EPB41L2: variants seen among roughly 807,000 people sequenced by gnomAD.
The protein encoded by EPB41L2 is erythrocyte membrane protein band 4.1 like 2, also known as band 4.1-like protein 2.
Under a neutral mutation model 113.0 loss-of-function variants are expected in EPB41L2, and 43 were observed. That is an observed-to-expected ratio of 0.38 (90% CI 0.30 to 0.49). EPB41L2 has a LOEUF of 0.49. EPB41L2 is among the 20% of genes least tolerant of loss of function. EPB41L2 has a pLI of 0.95. For synonymous variants in EPB41L2, 442 were observed against 436.7 expected, an observed-to-expected ratio of 1.01 and a Z score of -0.15; for missense variants, 1,147 against 1,223.4, an observed-to-expected ratio of 0.94 and a Z score of 0.93.
At position 130,894,951 on chromosome 6, in the gene EPB41L2, AAATGT is replaced by A; in HGVS notation, c.1389+11_1389+15del. The A allele has an allele frequency of 7.5e-6, 12 of 1,607,590 alleles. No individual in the cohort carries two copies. Among genetic ancestry groups the A allele is most frequent in the Non-Finnish European group, 9.4e-6 (11 of 1,176,008 alleles). On this transcript the variant is annotated intron_variant, in intron 9 of 19. Coordinates refer to ENST00000337057, the MANE Select transcript of EPB41L2 (RefSeq NM_001431.4). ...AGGCCGACTAACAACAACTGATTAG[AAATGT>A]CTTGGCTTACCTCTGCCGGTCTGAC...
At chr6:130,841,070 GGGA>G (rs1333986445) in intron 19 of EPB41L2, among the ~76,000 whole-genome samples, 2 of 152,102 alleles carry the variant, frequency 1.3e-5, no homozygotes, top group African/African-American at 4.8e-5. Flanking sequence ...TGTATGTTGG[GGGA>G]GGAGGCAGAA....
At chr6:130,872,976 A>C (rs1316949875) in intron 14 of EPB41L2, among the ~76,000 whole-genome samples, 2 of 152,108 alleles carry the variant, frequency 1.3e-5, no homozygotes, top group Non-Finnish European at 2.9e-5. Flanking sequence ...TTATCTGCAC[A>C]TTCTGGGCCT....
At chr6:131,057,490 A>C (rs1334826591) in intron 1 of EPB41L2, among the ~76,000 whole-genome samples, 1 of 152,244 alleles carries the variant, frequency 6.6e-6, no homozygotes, top group Non-Finnish European at 1.5e-5. Context: ...TATGTCTTCA[A>C]GCTACTGGGA....
At chr6:130,873,245 G>T (rs536363690) in intron 14 of EPB41L2, among the ~76,000 whole-genome samples, 24 of 152,254 alleles carry the variant, frequency 1.6e-4, no homozygotes, top group African/African-American at 5.8e-4. Flanking sequence ...ACTCAGAGTT[G>T]AAAGCTCAAT....
chr6:130,848,509 C>T (rs1408544168), intron 19 of EPB41L2, among the ~76,000 whole-genome samples: 2 of 152,060 alleles, frequency 1.3e-5, no homozygotes, highest in South Asian at 2.1e-4. Context: ...ACTTTTTTCT[C>T]ATGTCTGAAA....
At chr6:130,948,577 T>TA (rs1813742926) in intron 3 of EPB41L2, among the ~76,000 whole-genome samples, 1 of 152,098 alleles carries the variant, frequency 6.6e-6, no homozygotes, top group South Asian at 2.1e-4. Flanking sequence ...ATAGAGTCAC[T>TA]AATCTCAGTA....
chr6:130,864,309 T>C (rs916454513), intron 17 of EPB41L2, among the ~76,000 whole-genome samples: 9 of 152,236 alleles, frequency 5.9e-5, no homozygotes, highest in African/African-American at 2.2e-4. Flanking sequence ...TTGCATTTAG[T>C]GCAATAATTT....
chr6:130,953,278 G>A (rs78626050), intron 3 of EPB41L2, among the ~76,000 whole-genome samples: 2,187 of 151,980 alleles, frequency 0.014, 50 homozygotes, highest in African/African-American at 0.049. Context: ...TCTCTCCCTG[G>A]GATAGAAAGG....
At chr6:131,018,731 G>A (rs1788793054) in intron 1 of EPB41L2, among the ~76,000 whole-genome samples, 1 of 152,072 alleles carries the variant, frequency 6.6e-6, no homozygotes, top group Non-Finnish European at 1.5e-5. Flanking sequence ...TATGAAGTAG[G>A]GAATGAATTT....
At chr6:131,043,586 T>C (rs949393148) in intron 1 of EPB41L2, among the ~76,000 whole-genome samples, 9 of 151,794 alleles carry the variant, frequency 5.9e-5, no homozygotes, top group Admixed American at 6.6e-5. Flanking sequence ...CAAGGAAATA[T>C]AAAAGAAAGA....
intron 1 of EPB41L2, among the ~76,000 whole-genome samples, chr6:131,006,808 T>C (rs1027064587): frequency 3.9e-5 from 6 of 152,138 alleles, no homozygotes; most frequent in Admixed American, 1.3e-4. Context: ...CTCAATTTCA[T>C]GCACCCCGAC....
intron 4 of EPB41L2, among the ~76,000 whole-genome samples, chr6:130,926,296 C>A (rs1804712396): frequency 6.6e-6 from 1 of 152,160 alleles, no homozygotes; most frequent in Non-Finnish European, 1.5e-5. Flanking sequence ...TAAAATAATA[C>A]CATTTATTCT....
chr6:130,845,883 G>A (rs1776904842), intron 19 of EPB41L2, among the ~76,000 whole-genome samples: 1 of 152,182 alleles, frequency 6.6e-6, no homozygotes, highest in African/African-American at 2.4e-5. Context: ...ATGTCTAGAG[G>A]AAAAGCATCT....
intron 4 of EPB41L2, among the ~76,000 whole-genome samples, chr6:130,919,545 A>G (rs938874128): frequency 1.3e-5 from 2 of 152,076 alleles, no homozygotes; most frequent in African/African-American, 4.8e-5. Flanking sequence ...ACATCTTTGA[A>G]CATTCATCCT....
At chr6:130,868,395 T>G (rs1328527784) in intron 15 of EPB41L2, 1 of 152,240 alleles carries the variant, frequency 6.6e-6, no homozygotes, top group Non-Finnish European at 1.5e-5. Context: ...ATTAACATTT[T>G]AGTCTGCCGA....
chr6:130,946,337 C>A (rs1280855246), intron 3 of EPB41L2, among the ~76,000 whole-genome samples: 1 of 152,102 alleles, frequency 6.6e-6, no homozygotes, highest in African/African-American at 2.4e-5. Flanking sequence ...CTATAATCAT[C>A]ATTTAAAAAT....
At chr6:131,025,954 C>T (rs1790772830) in intron 1 of EPB41L2, among the ~76,000 whole-genome samples, 1 of 152,042 alleles carries the variant, frequency 6.6e-6, no homozygotes, top group African/African-American at 2.4e-5. Flanking sequence ...AAAGCAAAGC[C>T]GTTCAAAGTC....
At chr6:131,053,610 G>A (rs574964903) in intron 1 of EPB41L2, among the ~76,000 whole-genome samples, 14 of 152,144 alleles carry the variant, frequency 9.2e-5, no homozygotes, top group Admixed American at 5.2e-4. Flanking sequence ...TTAACTGATC[G>A]CAGGTTCATA....
At chr6:131,017,234 T>TTA (rs1788443635) in intron 1 of EPB41L2, among the ~76,000 whole-genome samples, 1 of 152,206 alleles carries the variant, frequency 6.6e-6, no homozygotes, top group African/African-American at 2.4e-5. Flanking sequence ...CATTTTAACA[T>TTA]TATACCACTG....
Sources: allele counts gnomAD v4.1 joint callset (sites outside exome capture counted in the v4.1 genomes callset), GRCh38; gene constraint gnomAD v4.1.1; transcripts MANE v1.5; gene names NCBI Gene and HGNC (gene_info 2026-07-23, HGNC 2026-07-21).